The following MTMR8 variants were observed in gnomAD, a reference collection of about 807,000 sequenced individuals.
MTMR8 encodes the protein phosphatidylinositol-3,5-bisphosphate 3-phosphatase MTMR8.
MTMR8 carries 65 observed loss-of-function variants against 39.3 expected under a neutral mutation model. The observed-to-expected ratio is 1.65, with a 90% confidence interval of 1.35 to 2.03. The LOEUF (loss-of-function observed/expected upper bound fraction) is 2.03, where lower values mean the gene tolerates loss of function less well. MTMR8 is among the 30% of genes most tolerant of loss of function. MTMR8 has a pLI of 0.00. For missense variants in MTMR8, 777 were observed against 538.9 expected, an observed-to-expected ratio of 1.44 and a Z score of -4.37; for synonymous variants, 245 against 185.2, an observed-to-expected ratio of 1.32 and a Z score of -2.62.
intron 12 of MTMR8, among the ~76,000 whole-genome samples, chrX:64,314,130 A>T (rs996410390): frequency 8.9e-6 from 1 of 112,442 alleles, no homozygotes; most frequent in Admixed American, 9.4e-5. Context: ...GGCTCCTTGA[A>T]ATTATGAACC....
intron 12 of MTMR8, chrX:64,305,499 A>G: frequency 3.0e-6 from 1 of 333,493 alleles, no homozygotes. Flanking sequence ...GGGATGTGTC[A>G]GGATTGCCCA....
chrX:64,311,041 G>A (rs1055071251), intron 12 of MTMR8, among the ~76,000 whole-genome samples: 11 of 111,681 alleles, frequency 9.8e-5, no homozygotes, highest in African/African-American at 3.6e-4. Flanking sequence ...GGGTCAAATG[G>A]TATTTCTAGT....
intron 2 of MTMR8, among the ~76,000 whole-genome samples, chrX:64,358,826 T>A (rs1224373252): frequency 2.2e-5 from 2 of 89,586 alleles, no homozygotes; most frequent in East Asian, 6.6e-4. Context: ...AAGAAACACA[T>A]ACACATGCCC....
chrX:64,290,416 A>T (rs1242253336), intron 12 of MTMR8, among the ~76,000 whole-genome samples: 2 of 110,617 alleles, frequency 1.8e-5, no homozygotes, highest in Non-Finnish European at 3.8e-5. Context: ...CTCTGACCAG[A>T]TGCACATTAA....
chrX:64,326,785 CTCTA>C lies in MTMR8; in HGVS notation c.1481+1983_1481+1986del, dbSNP rs751092230. Among the ~76,000 whole-genome samples the C allele has an allele frequency of 2.7e-5, 3 of 110,580 alleles. No individual in the cohort carries two copies. The East Asian group carries it at 8.5e-4, about 31-fold the overall frequency. Reference sequence around the variant, plus strand: ...AGAAGAAAGAAAGCTGAAGATATCACTCTATCTGACTTCAAAATGTACTACAAAG... The same window carrying C: ...AGAAGAAAGAAAGCTGAAGATATCACTCTGACTTCAAAATGTACTACAAAG... On this transcript the variant is annotated intron_variant, in intron 12 of 13. Coordinates refer to ENST00000374852, the MANE Select transcript of MTMR8 (RefSeq NM_017677.4).
chrX:64,268,229 T>C lies in MTMR8; in HGVS notation c.*308A>G, dbSNP rs1052470403. ...CAGTGAGGATAGAAAATAGGGCAGGTCGATCATTAAGGAAAACAGACAGTA... is the reference window on the plus strand; with the variant it reads ...CAGTGAGGATAGAAAATAGGGCAGGCCGATCATTAAGGAAAACAGACAGTA... On this transcript the variant is annotated 3_prime_UTR_variant, in exon 14 of 14. Transcript: ENST00000374852. The C allele has an allele frequency of 7.2e-6, 2 of 278,869 alleles. No homozygotes were observed. Among genetic ancestry groups the C allele is most frequent in the Admixed American group, 1.2e-4 (2 of 17,033 alleles). The allele number at this position is 278,869 out of a possible 1,213,427, so 23.0% of individuals were successfully genotyped here. A position where few individuals can be genotyped will look rare whatever the true frequency, so the allele number is the denominator to read the frequency against.
At chrX:64,394,760 A>G (rs1170014415) in intron 1 of MTMR8, among the ~76,000 whole-genome samples, 1 of 112,012 alleles carries the variant, frequency 8.9e-6, no homozygotes, top group Non-Finnish European at 1.9e-5. Flanking sequence ...AGCCAGATCC[A>G]CTCTGCCCCA....
chrX:64,289,636 C>CAAAAAAAAA (rs749879321), intron 12 of MTMR8, among the ~76,000 whole-genome samples: 7 of 26,422 alleles, frequency 2.6e-4, no homozygotes, highest in Admixed American at 6.2e-4. Flanking sequence ...GACTCCATCG[C>CAAAAAAAAA]AAAAAAAAAA....
At chrX:64,342,621 G>A (rs1923248993) in intron 8 of MTMR8, among the ~76,000 whole-genome samples, 1 of 112,076 alleles carries the variant, frequency 8.9e-6, no homozygotes, top group Admixed American at 9.5e-5. Flanking sequence ...TTAGAATAGT[G>A]GGCTTGAAAC....
intron 12 of MTMR8, 75 bp from the exon 13 acceptor site, chrX:64,271,148 C>T: frequency 9.7e-7 from 1 of 1,034,425 alleles, no homozygotes; most frequent in South Asian, 2.7e-5. Flanking sequence ...TTTCCTTGTG[C>T]CAAGAAAATA....
chrX:64,342,173 T>A (rs1923236663), intron 8 of MTMR8, among the ~76,000 whole-genome samples: 1 of 112,292 alleles, frequency 8.9e-6, no homozygotes, highest in African/African-American at 3.2e-5. Context: ...AACTAAAGAG[T>A]AACTACTAGA....
At chrX:64,291,589 A>G (rs1921398902) in intron 12 of MTMR8, among the ~76,000 whole-genome samples, 2 of 110,966 alleles carry the variant, frequency 1.8e-5, no homozygotes, top group African/African-American at 3.3e-5. Context: ...TTCCTTGATC[A>G]GTCCTGAAAT....
At chrX:64,359,922 G>GAAA (rs202232811) in intron 1 of MTMR8, among the ~76,000 whole-genome samples, 21 of 43,073 alleles carry the variant, frequency 4.9e-4, no homozygotes, top group African/African-American at 1.2e-3. Flanking sequence ...GGCAAGAATA[G>GAAA]AAAAAAAAAA....
At chrX:64,303,213 T>A (rs990136347) in intron 12 of MTMR8, among the ~76,000 whole-genome samples, 1 of 112,539 alleles carries the variant, frequency 8.9e-6, no homozygotes, top group African/African-American at 3.2e-5. Context: ...TAGTATCTGA[T>A]TGAGCATTTG....
intron 12 of MTMR8, among the ~76,000 whole-genome samples, chrX:64,294,677 A>T (rs1267032275): frequency 9.0e-6 from 1 of 111,696 alleles, no homozygotes; most frequent in East Asian, 2.8e-4. Context: ...CAGATTTGGC[A>T]TCTGGTGAAG....
intron 12 of MTMR8, among the ~76,000 whole-genome samples, chrX:64,312,157 G>A (rs939596997): frequency 9.0e-6 from 1 of 111,488 alleles, no homozygotes; most frequent in Admixed American, 9.5e-5. Flanking sequence ...TATTCCATTT[G>A]TTTGTTCCTC....
chrX:64,342,317 T>A (rs1923241450), intron 8 of MTMR8, among the ~76,000 whole-genome samples: 2 of 112,449 alleles, frequency 1.8e-5, no homozygotes, highest in African/African-American at 6.5e-5. Context: ...CACATGGGAC[T>A]TGGCAATAGC....
intron 6 of MTMR8, among the ~76,000 whole-genome samples, chrX:64,346,886 G>A (rs1004269724): frequency 5.4e-5 from 6 of 111,134 alleles, no homozygotes; most frequent in African/African-American, 2.0e-4. Context: ...AATGTCAGAT[G>A]TAATATTTAT....
At position 64,359,590 on chromosome X, in the gene MTMR8, C is replaced by T. The variant is rs746709482; in HGVS notation, c.25-63G>A. On this transcript the variant is annotated intron_variant, in intron 1 of 13. Transcript: ENST00000374852. ...CTCACCACCTATGATTGAAGTGGGG[C>T]CATTCAAAGCAAGATAAACGCTGTT... is the stretch of plus-strand genomic sequence containing the variant. 1.1e-5 allele frequency: 12 copies of T among 1,073,428 alleles called. 1 individual carries two copies. The South Asian group carries it at 2.1e-4, about 19-fold the overall frequency. 88.5% of individuals were successfully genotyped at this position (1,073,428 alleles called of 1,213,427 possible). A position where few individuals can be genotyped will look rare whatever the true frequency, so the allele number is the denominator to read the frequency against.
Sources: allele counts gnomAD v4.1 joint callset (sites outside exome capture counted in the v4.1 genomes callset), GRCh38; gene constraint gnomAD v4.1.1; transcripts MANE v1.5; gene names NCBI Gene and HGNC (gene_info 2026-07-23, HGNC 2026-07-21).